COL4A6: variants seen among roughly 807,000 people sequenced by gnomAD.
COL4A6 encodes collagen type IV alpha 6 chain.
A neutral mutation model predicts 126.7 loss-of-function variants in COL4A6; 59 were observed. The observed-to-expected ratio is 0.47, with a 90% CI of 0.38 to 0.58. The LOEUF is 0.58. COL4A6 is among the 20% of genes least tolerant of loss of function. The pLI is 0.00. For synonymous variants in COL4A6, 547 were observed against 496.6 expected (o/e 1.10, Z -1.35); for missense variants, 1,285 against 1,337.3 (o/e 0.96, Z 0.61).
At chrX:108,285,555 T>C (rs2037984420) in intron 3 of COL4A6, among the ~76,000 whole-genome samples, 1 of 111,232 alleles carries the variant, frequency 9.0e-6, no homozygotes, top group African/African-American at 3.3e-5. Context: ...TTCCTGCAGA[T>C]TTTTTTTGGG....
intron 3 of COL4A6, among the ~76,000 whole-genome samples, chrX:108,290,076 A>G (rs2038121065): frequency 8.9e-6 from 1 of 112,314 alleles, no homozygotes; most frequent in Non-Finnish European, 1.9e-5. Context: ...TGCAGACTCT[A>G]TAATTGTTTT....
Position 108,427,515 on chromosome X carries a change from G to A in COL4A6, c.63+10427C>T, listed in dbSNP as rs554372322. The stretch of plus-strand genomic sequence containing the variant: ...GAAAAAAACAGGAGAAGCAGAAGGA[G>A]TGAATATGCACGTCCTGTTAAGCCA... On this transcript the variant is annotated intron_variant, in intron 2 of 44. Transcript: ENST00000334504. Among the ~76,000 whole-genome samples the A allele has an allele frequency of 5.4e-5, 6 of 111,951 alleles. No homozygotes were observed. In the East Asian group the frequency reaches 1.1e-3, roughly 21 times the overall value.
chrX:108,294,414 G>GTGTGTGT (rs1491340135), intron 3 of COL4A6, among the ~76,000 whole-genome samples: 2 of 57,787 alleles, frequency 3.5e-5, no homozygotes, highest in African/African-American at 1.2e-4. Flanking sequence ...TTTTTTTTTT[G>GTGTGTGT]GTGTGTGTGT....
chrX:108,288,197 C>T (rs764481406), intron 3 of COL4A6, among the ~76,000 whole-genome samples: 5 of 111,747 alleles, frequency 4.5e-5, no homozygotes, highest in African/African-American at 1.6e-4. Context: ...TTATTTAGAA[C>T]AGCTTCTAAT....
chrX:108,366,044 C>T (rs1310268902), intron 2 of COL4A6, among the ~76,000 whole-genome samples: 1 of 111,737 alleles, frequency 8.9e-6, no homozygotes, highest in Non-Finnish European at 1.9e-5. Flanking sequence ...TTATTAGCTG[C>T]ATCAAAAAGT....
chrX:108,311,736 A>G (rs2038765876), intron 2 of COL4A6, among the ~76,000 whole-genome samples: 1 of 111,557 alleles, frequency 9.0e-6, no homozygotes, highest in South Asian at 3.8e-4. Flanking sequence ...ACTTCCAATC[A>G]TATCATTTCA....
rs746890099 is a variant in COL4A6 at position 108,175,165 on chromosome X, T to C, written c.2881A>G (p.Met961Val). ...PVGIPSPRRP[M>V]SNLWLKGDKG... ...TCTCCTTTGAGCCAAAGGTTTGACA[T>C]TGGACGTCTTGGACTAGGTATTCCG... is the stretch of plus-strand genomic sequence containing the variant. The change falls in exon 30 of 45, where the codon ATG (methionine) becomes GTG (valine). Residue 961 changes from methionine to valine, a missense_variant. Met to Val is a conservative substitution (Grantham distance 21). Coordinates refer to ENST00000334504, the MANE Select transcript of COL4A6 (RefSeq NM_033641.4). The C allele has an allele frequency of 5.8e-6, 7 of 1,200,364 alleles. No individual in the cohort carries two copies. Among genetic ancestry groups the C allele is most frequent in the South Asian group, 1.8e-5 (1 of 54,850 alleles).
chrX:108,297,798 C>A (rs1168695542), intron 3 of COL4A6, among the ~76,000 whole-genome samples: 1 of 110,515 alleles, frequency 9.0e-6, no homozygotes, highest in Non-Finnish European at 1.9e-5. Flanking sequence ...TTTTTGTTTG[C>A]ACTGCAATTA....
At chrX:108,206,855 A>G in intron 8 of COL4A6, 1 of 415,662 alleles carries the variant, frequency 2.4e-6, no homozygotes, top group East Asian at 5.0e-5. Context: ...GAAAAGCCAG[A>G]CCCAAAAGGC....
At position 108,157,074 on chromosome X, in the gene COL4A6, C is replaced by T; in HGVS notation, c.4999G>A (p.Val1667Met). ...EERQQFGELPVSETLKAGQLH... is the reference protein window; with the variant it reads ...EERQQFGELPMSETLKAGQLH... ...TGCCCAGCTTTCAGCGTTTCAGACA[C>T]AGGCAACTCCCCAAACTGCTGCCTC... Residue 1667 changes from valine to methionine, a missense_variant, in exon 45 of 45, where the codon GTG becomes ATG. Val to Met is a conservative substitution (Grantham distance 21). Transcript: ENST00000334504. 1.7e-6 allele frequency: 2 copies of T among 1,211,871 alleles called. No individual in the cohort carries two copies. Among genetic ancestry groups the T allele is most frequent in the Middle Eastern group, 2.3e-4 (1 of 4,354 alleles).
At chrX:108,296,158 G>T (rs1258990249) in intron 3 of COL4A6, among the ~76,000 whole-genome samples, 1 of 112,088 alleles carries the variant, frequency 8.9e-6, no homozygotes, top group African/African-American at 3.2e-5. Context: ...GCAGGAAAGT[G>T]TATAAAGTTA....
At chrX:108,308,777 C>G (rs771248638) in intron 3 of COL4A6, among the ~76,000 whole-genome samples, 13 of 111,970 alleles carry the variant, frequency 1.2e-4, no homozygotes, top group Non-Finnish European at 2.3e-4. Flanking sequence ...TTAAAAATGT[C>G]TATTACCCTT....
At chrX:108,204,291 A>AT in intron 12 of COL4A6, 29 bp downstream of exon 12, 2 of 1,075,834 alleles carry the variant, frequency 1.9e-6, no homozygotes, top group South Asian at 4.7e-5. Flanking sequence ...AGTTTTATTA[A>AT]TTTTTTCCTA....
intron 3 of COL4A6, among the ~76,000 whole-genome samples, chrX:108,226,279 G>A (rs2036163509): frequency 8.9e-6 from 1 of 112,293 alleles, no homozygotes; most frequent in Admixed American, 9.4e-5. Flanking sequence ...TGGCAAAATG[G>A]AGAGTTTAGG....
intron 3 of COL4A6, among the ~76,000 whole-genome samples, chrX:108,262,995 T>A (rs1293918567): frequency 9.0e-6 from 1 of 111,064 alleles, no homozygotes; most frequent in East Asian, 2.8e-4. Flanking sequence ...CCATAACCAT[T>A]TGTTTAAAAG....
intron 2 of COL4A6, among the ~76,000 whole-genome samples, chrX:108,437,364 C>T (rs1326800094): frequency 9.0e-6 from 1 of 111,674 alleles, no homozygotes; most frequent in Non-Finnish European, 1.9e-5. Context: ...ACAGCTTTAT[C>T]TTTTAACTTT....
rs1181007576 is a variant in COL4A6, at chrX:108,160,571, T to C, written c.4417A>G (p.Ser1473Gly). ...CACGGGGGCACCTGTTCCGACTGGCTGTGCTTTACCAACGTGTAGCCCACT... is the reference window on the plus strand; with the variant it reads ...CACGGGGGCACCTGTTCCGACTGGCCGTGCTTTACCAACGTGTAGCCCACT... The part of the protein sequence containing the change: ...MRVGYTLVKH[S>G]QSEQVPPCPI... Residue 1473 changes from serine to glycine, a missense_variant, in exon 43 of 45, where the codon AGC becomes GGC. Coordinates refer to ENST00000334504, the MANE Select transcript of COL4A6 (RefSeq NM_033641.4). The C allele has an allele frequency of 2.5e-6, 3 of 1,210,187 alleles. No homozygotes were observed. Among genetic ancestry groups the C allele is most frequent in the Non-Finnish European group, 3.4e-6 (3 of 895,151 alleles).
At chrX:108,424,534 C>T (rs1160908677) in intron 2 of COL4A6, among the ~76,000 whole-genome samples, 3 of 111,086 alleles carry the variant, frequency 2.7e-5, no homozygotes, top group Admixed American at 9.6e-5. Context: ...ACTTCTGTGA[C>T]GCCTTCCCTA....
intron 41 of COL4A6, among the ~76,000 whole-genome samples, 153 bp from the exon 42 acceptor site, chrX:108,161,888 C>G (rs1423812455): frequency 1.8e-5 from 2 of 112,660 alleles, no homozygotes; most frequent in African/African-American, 6.4e-5. Flanking sequence ...ATCAAGGCTG[C>G]AGCCGCCTGG....
Sources: gnomAD v4.1 joint callset for allele counts (sites outside exome capture counted in the v4.1 genomes callset) on GRCh38, gnomAD v4.1.1 for gene constraint, MANE v1.5 for transcripts, NCBI Gene and HGNC (gene_info 2026-07-23, HGNC 2026-07-21) for gene names.